ADAMTS9: variants seen among roughly 807,000 people sequenced by gnomAD.
ADAMTS9 encodes A disintegrin and metalloproteinase with thrombospondin motifs 9.
ADAMTS9 carries 107 observed loss-of-function variants against 257.1 expected under a neutral mutation model. That is an observed-to-expected ratio of 0.42 (90% CI 0.36 to 0.49). The LOEUF is 0.49. ADAMTS9 is among the 20% of genes least tolerant of loss of function. The pLI is 0.03. For missense variants in ADAMTS9, 2,353 were observed against 2,469.1 expected, an observed-to-expected ratio of 0.95 and a Z score of 1.00; for synonymous variants, 982 against 880.9, an observed-to-expected ratio of 1.11 and a Z score of -2.03.
rs188211348 is a variant in ADAMTS9 at position 64,617,388 on chromosome 3, G to T, written c.2814-1218C>A. On this transcript the variant is annotated intron_variant, in intron 19 of 39. Transcript: ENST00000498707. ...ATGGCAGAGTGGCTCAAGTGCCCCT[G>T]ACAGTAACATCATCCCCAGAATCTG... Among the ~76,000 whole-genome samples the T allele has an allele frequency of 6.2e-4, 94 of 152,246 alleles. 1 individual carries two copies. Among genetic ancestry groups the T allele is most frequent in the African/African-American group, 2.2e-3 (91 of 41,544 alleles).
intron 37 of ADAMTS9, among the ~76,000 whole-genome samples, chr3:64,533,803 G>A (rs2083012972): frequency 6.6e-6 from 1 of 152,220 alleles, no homozygotes; most frequent in Non-Finnish European, 1.5e-5. Context: ...GGTCAGCAGA[G>A]GGCAGGGTTG....
At chr3:64,607,160 G>A in intron 22 of ADAMTS9, 81 bp from the exon 23 acceptor site, 2 of 1,566,146 alleles carry the variant, frequency 1.3e-6, no homozygotes, top group Non-Finnish European at 8.6e-7. Context: ...TTCTGCAAGA[G>A]AGAAATACTT....
In ADAMTS9 at chr3:64,594,392, C is replaced by T. The variant is rs77982452; in HGVS notation, c.4222G>A (p.Val1408Ile). 7.7e-3 allele frequency: 12,496 copies of T among 1,614,076 alleles called. 491 individuals are homozygous for T. In the East Asian group the frequency reaches 0.087, roughly 11 times the overall value. ...CGGGIRTRLV[V>I]CQRSNGERFP... ...CGTTCACCGTTGGACCGCTGACAGA[C>T]CACCAGTCTTGTTCTTATGCCTCCA... Residue 1408 changes from valine (V) to isoleucine (I), a missense_variant, in exon 28 of 40, where the codon GTC becomes ATC. Transcript: ENST00000498707.
intron 11 of ADAMTS9, among the ~76,000 whole-genome samples, chr3:64,647,054 T>A (rs182965097): frequency 1.3e-4 from 19 of 151,968 alleles, no homozygotes; most frequent in Non-Finnish European, 2.5e-4. Context: ...GAGATGAGAA[T>A]AAATTATTAA....
chr3:64,529,904 G>C (rs1469475190), intron 38 of ADAMTS9, among the ~76,000 whole-genome samples: 1 of 151,612 alleles, frequency 6.6e-6, no homozygotes, highest in African/African-American at 2.4e-5. Flanking sequence ...TTGCAGCCTT[G>C]ACCACCCAGG....
intron 19 of ADAMTS9, 135 bp from the exon 20 acceptor site, chr3:64,616,305 G>A: frequency 1.1e-6 from 1 of 887,688 alleles, no homozygotes; most frequent in Non-Finnish European, 1.7e-6. Flanking sequence ...CAAAGCCACA[G>A]TCAGTTGCTA....
chr3:64,616,483 C>T (rs1215131232), intron 19 of ADAMTS9, among the ~76,000 whole-genome samples: 1 of 152,022 alleles, frequency 6.6e-6, no homozygotes, highest in Non-Finnish European at 1.5e-5. Flanking sequence ...TGTATTAAAA[C>T]CTGTGTACAT....
chr3:64,594,309 G>C lies in ADAMTS9; in HGVS notation c.4305C>G (p.Asn1435Lys). The C allele has an allele frequency of 6.2e-7, 1 of 1,613,440 alleles. No homozygotes were observed. Among genetic ancestry groups the C allele is most frequent in the Admixed American group, 1.7e-5 (1 of 59,962 alleles). Residue 1435 changes from asparagine to lysine, a missense_variant, in exon 28 of 40, where the codon AAC (asparagine) becomes AAG (lysine). Asn to Lys is a moderately conservative substitution (Grantham distance 94). This residue lies in a region of ADAMTS9 where 1,402 missense variants were observed against 1,441.4 expected (regional missense o/e 0.97). Coordinates refer to ENST00000498707, the MANE Select transcript of ADAMTS9 (RefSeq NM_182920.2). The stretch of plus-strand genomic sequence containing the variant: ...CAGCGTCGTGTGGACAAGCATGTGT[G>C]TTACACTGCTCACGATCGGGAGGTT... ...LDKPPDREQC[N>K]THACPHDAAW...
chr3:64,609,175 G>T (rs933832992), intron 22 of ADAMTS9, among the ~76,000 whole-genome samples: 1 of 152,042 alleles, frequency 6.6e-6, no homozygotes. Context: ...ATACTCAATA[G>T]TAGAAGAGTA....
chr3:64,560,083 C>A (rs1388698072), intron 30 of ADAMTS9, among the ~76,000 whole-genome samples: 1 of 152,212 alleles, frequency 6.6e-6, no homozygotes, highest in Non-Finnish European at 1.5e-5. Flanking sequence ...TTTCTCAGAA[C>A]AACTCTGAAA....
At chr3:64,519,400 C>G (rs2082821971) in intron 39 of ADAMTS9, among the ~76,000 whole-genome samples, 3 of 151,798 alleles carry the variant, frequency 2.0e-5, no homozygotes, top group African/African-American at 7.3e-5. Context: ...CCTATTGAAA[C>G]AATTTTTTCA....
intron 3 of ADAMTS9, among the ~76,000 whole-genome samples, chr3:64,676,483 TTC>T (rs1701627117): frequency 6.6e-6 from 1 of 152,058 alleles, no homozygotes; most frequent in Non-Finnish European, 1.5e-5. Flanking sequence ...ACTTCAGATA[TTC>T]TGTTTACACA....
At chr3:64,586,697 A>G (rs192411953) in intron 28 of ADAMTS9, 3 of 152,208 alleles carry the variant, frequency 2.0e-5, no homozygotes, top group Admixed American at 1.3e-4. Flanking sequence ...AATGAATAAG[A>G]GGTTTTTTTC....
In ADAMTS9 at chr3:64,546,743, C is replaced by G. The variant is rs1392592775; in HGVS notation, c.5064+15G>C. The G allele has an allele frequency of 6.4e-7, 1 of 1,573,130 alleles. No homozygotes were observed. The highest frequency in any genetic ancestry group is 8.6e-7 in the Non-Finnish European group (1 of 1,160,914). On this transcript the variant is annotated intron_variant, in intron 32 of 39. Transcript: ENST00000498707. ...CCAAGGGCTTTCAGATTTGAGTGCT[C>G]AGTCTTCTACTTACGCTCCCCCAGT...
At chr3:64,547,538 T>A (rs4688209) in intron 31 of ADAMTS9, among the ~76,000 whole-genome samples, 2 of 138,250 alleles carry the variant, frequency 1.4e-5, no homozygotes, top group African/African-American at 2.7e-5. Flanking sequence ...TTTGAGACTG[T>A]GTCTCACTCT....
chr3:64,597,545 C>T (rs937990026), intron 26 of ADAMTS9, among the ~76,000 whole-genome samples: 3 of 152,176 alleles, frequency 2.0e-5, no homozygotes, highest in Non-Finnish European at 4.4e-5. Context: ...GTTCCTTTCT[C>T]TCTCTTTACA....
intron 4 of ADAMTS9, 180 bp from the exon 5 acceptor site, chr3:64,656,055 G>C (rs749236725): frequency 5.8e-6 from 3 of 514,208 alleles, no homozygotes; most frequent in Non-Finnish European, 1.1e-5. Flanking sequence ...AAAATTCATA[G>C]ATCACAGTTT....
In ADAMTS9 at chr3:64,649,576, T is replaced by A. The variant is rs57657523; in HGVS notation, c.1605+61A>T. The A allele has an allele frequency of 5.4e-3, 8,183 of 1,522,678 alleles. 375 individuals carry two copies. In the African/African-American group the frequency reaches 0.1, roughly 19 times the overall value. The allele number at this position is 1,522,678 out of a possible 1,614,324, so 94.3% of individuals were successfully genotyped here. A position where few individuals can be genotyped will look rare whatever the true frequency, so the allele number is the denominator to read the frequency against. ...GTCGAGTTAGAATGCAATGGAAAAC[T>A]ATGAATAAAAAGAAGTGCAGAATCA... On this transcript the variant is annotated intron_variant, in intron 10 of 39. Transcript: ENST00000498707.
intron 12 of ADAMTS9, among the ~76,000 whole-genome samples, chr3:64,636,744 T>TG (rs1700507121): frequency 6.6e-6 from 1 of 152,218 alleles, no homozygotes; most frequent in Non-Finnish European, 1.5e-5. Flanking sequence ...TGTCCATAAA[T>TG]AAAGATTTAT....
Sources: allele counts gnomAD v4.1 joint callset (sites outside exome capture counted in the v4.1 genomes callset), GRCh38; gene constraint gnomAD v4.1.1; regional missense constraint gnomAD v4.1.1; transcripts MANE v1.5; gene names NCBI Gene and HGNC (gene_info 2026-07-23, HGNC 2026-07-21).